The following GRIN2B variants were observed in gnomAD, a reference collection of about 807,000 sequenced individuals.
The protein encoded by GRIN2B is glutamate receptor ionotropic, NMDA 2B.
GRIN2B carries 5 observed loss-of-function variants against 114.5 expected under a neutral mutation model. The observed-to-expected ratio is 0.04, with a 90% CI of 0.02 to 0.09. The LOEUF (loss-of-function observed/expected upper bound fraction) is 0.09. Ranked by LOEUF, GRIN2B falls within the 10% of genes least tolerant of loss-of-function variation. The pLI, the probability that GRIN2B is intolerant of heterozygous loss-of-function variation, is 1.00. For synonymous variants in GRIN2B, 787 were observed against 745.1 expected (o/e 1.06, Z -0.92); for missense variants, 1,108 against 1,943.5 (o/e 0.57, Z 8.08).
chr12:13,646,183 A>G lies in GRIN2B; in HGVS notation c.1126-29526T>C, dbSNP rs1949760229. Among the ~76,000 whole-genome samples, 4 of 152,166 alleles carry G rather than the reference A, an allele frequency of 2.6e-5. 1 individual carries two copies. In the South Asian group the frequency reaches 8.3e-4, roughly 31 times the overall value. ...TCCCTGATTTACAAAAAGTAATTCA[A>G]AGACATATATGCAACATTTCTAATG... On this transcript the variant is annotated intron_variant, in intron 5 of 13. Coordinates refer to ENST00000609686, the MANE Select transcript of GRIN2B (RefSeq NM_000834.5).
At chr12:13,662,444 C>G (rs1185659511) in intron 5 of GRIN2B, among the ~76,000 whole-genome samples, 1 of 152,188 alleles carries the variant, frequency 6.6e-6, no homozygotes, top group African/African-American at 2.4e-5. Context: ...AATGATAAAT[C>G]TATCAAAAGC....
At position 13,807,709 on chromosome 12, in the gene GRIN2B, C is replaced by CTTTTTT. The variant is rs71067726; in HGVS notation, c.412-53800_412-53795dup. Among the ~76,000 whole-genome samples, 8 of 77,404 alleles carry CTTTTTT rather than the reference C, an allele frequency of 1.0e-4. 1 individual carries two copies. Among genetic ancestry groups the CTTTTTT allele is most frequent in the Non-Finnish European group, 1.6e-4 (7 of 42,524 alleles). The allele number at this position is 77,404 out of a possible 152,430, so 50.8% of individuals were successfully genotyped here. On this transcript the variant is annotated intron_variant, in intron 3 of 13. Transcript: ENST00000609686. ...AAGCAGACGTTTATTAAGCAGAAGG[C>CTTTTTT]TTTTTTTTTTTTTTTTTTTTTTTTT...
chr12:13,667,948 AT>A (rs377666715), intron 5 of GRIN2B, among the ~76,000 whole-genome samples: 424 of 152,300 alleles, frequency 2.8e-3, no homozygotes, highest in African/African-American at 1.0e-2. Context: ...TAAACATAGA[AT>A]TTTCTCATCT....
At chr12:13,714,502 A>C (rs1950439477) in intron 4 of GRIN2B, among the ~76,000 whole-genome samples, 1 of 151,842 alleles carries the variant, frequency 6.6e-6, no homozygotes, top group Non-Finnish European at 1.5e-5. Context: ...AACTTTTTAA[A>C]AAGGAGGTCA....
chr12:13,569,694 C>G (rs17822337), intron 12 of GRIN2B, 136 bp downstream of exon 12: 4 of 615,770 alleles, frequency 6.5e-6, no homozygotes, highest in African/African-American at 3.7e-5. Context: ...AATATATACC[C>G]GAAAACTACA....
rs1555098069 is a variant in GRIN2B, at chr12:13,547,982, T to TATATATATATA, written c.*14800_*14801insTATATATATAT. ...GTGTATATATATATATATATATATATTTTTTTTTTTTTTCTGAAAGCTACA... is the reference window on the plus strand; with the variant it reads ...GTGTATATATATATATATATATATATATATATATATATTTTTTTTTTTTTCTGAAAGCTACA... On this transcript the variant is annotated 3_prime_UTR_variant, in exon 14 of 14. Transcript: ENST00000609686. 2.7e-5 allele frequency: 1 copy of TATATATATATA among 37,114 alleles called. No homozygotes were observed. The highest frequency in any genetic ancestry group is 7.7e-5 in the Non-Finnish European group (1 of 12,970). 2.3% of individuals were successfully genotyped at this position (37,114 alleles called of 1,614,324 possible). A position where few individuals can be genotyped will look rare whatever the true frequency, so the allele number is the denominator to read the frequency against.
chr12:13,588,111 A>G (rs1948955985), intron 10 of GRIN2B, among the ~76,000 whole-genome samples: 2 of 152,218 alleles, frequency 1.3e-5, no homozygotes, highest in African/African-American at 4.8e-5. Flanking sequence ...AGACCAGGCC[A>G]CTGAATCCTT....
intron 2 of GRIN2B, among the ~76,000 whole-genome samples, chr12:13,943,251 T>A (rs1867294681): frequency 6.6e-6 from 1 of 152,152 alleles, no homozygotes; most frequent in African/African-American, 2.4e-5. Flanking sequence ...AAAGGAGAAG[T>A]GTACAAAATT....
Position 13,576,262 on chromosome 12 carries a change from T to C in GRIN2B, c.2011-4298A>G, listed in dbSNP as rs143343843. Among the ~76,000 whole-genome samples, 5 of 152,278 alleles carry C rather than the reference T, an allele frequency of 3.3e-5. No homozygotes were observed. In the East Asian group the frequency reaches 9.7e-4, roughly 29 times the overall value. The stretch of plus-strand genomic sequence containing the variant: ...GGAAGAAGGAAAAATAATTTCCAAA[T>C]ATCCTGATGCTTCCAGAAAATGCCC... On this transcript the variant is annotated intron_variant, in intron 10 of 13. Transcript: ENST00000609686.
rs186084057 is a variant in GRIN2B at position 13,655,497 on chromosome 12, T to A, written c.1125+20248A>T. On this transcript the variant is annotated intron_variant, in intron 5 of 13. Coordinates refer to ENST00000609686, the MANE Select transcript of GRIN2B (RefSeq NM_000834.5). ...GAAGCTACTGCAGATTAATCCCCAC[T>A]GCATCCTCAATAGAATGAGAATGGG... 2.4e-3 allele frequency among the ~76,000 whole-genome samples: 362 copies of A among 152,280 alleles called. 1 individual carries two copies. Among genetic ancestry groups the A allele is most frequent in the Middle Eastern group, 6.8e-3 (2 of 294 alleles).
intron 4 of GRIN2B, among the ~76,000 whole-genome samples, chr12:13,712,030 A>G (rs981131783): frequency 1.3e-5 from 2 of 152,158 alleles, no homozygotes; most frequent in Admixed American, 6.6e-5. Context: ...CATATATACC[A>G]TGGCATACTA....
intron 2 of GRIN2B, among the ~76,000 whole-genome samples, chr12:13,934,842 A>C (rs760298214): frequency 1.4e-5 from 2 of 144,066 alleles, no homozygotes; most frequent in Non-Finnish European, 2.9e-5. Flanking sequence ...ATGTGTGCTC[A>C]TACATCCTCA....
chr12:13,816,380 A>G (rs1864824034), intron 3 of GRIN2B, among the ~76,000 whole-genome samples: 1 of 152,158 alleles, frequency 6.6e-6, no homozygotes, highest in Non-Finnish European at 1.5e-5. Context: ...CAGAAAATCT[A>G]AGGTTCAGAC....
chr12:13,698,961 G>T (rs564989410), intron 4 of GRIN2B, among the ~76,000 whole-genome samples: 7 of 152,248 alleles, frequency 4.6e-5, no homozygotes, highest in Non-Finnish European at 8.8e-5. Flanking sequence ...GGCATTACAG[G>T]CGTGAGCCAC....
In GRIN2B at chr12:13,615,727, T is replaced by A; in HGVS notation, c.1329-63A>T. The A allele has an allele frequency of 2.8e-6, 4 of 1,412,410 alleles. No homozygotes were observed. Among genetic ancestry groups the A allele is most frequent in the Non-Finnish European group, 4.0e-6 (4 of 996,466 alleles). 87.5% of individuals were successfully genotyped at this position (1,412,410 alleles called of 1,614,324 possible). A position where few individuals can be genotyped will look rare whatever the true frequency, so the allele number is the denominator to read the frequency against. ...AGTCTTTGTACAAAAAGCCAACATT[T>A]ATTACCCTTTGCCATTAAAAAACCT... On this transcript the variant is annotated intron_variant, in intron 6 of 13. Coordinates refer to ENST00000609686, the MANE Select transcript of GRIN2B (RefSeq NM_000834.5). This position sits in a 1 kb window ranked among gnomAD's most constrained non-coding sequence, Gnocchi z 5.8.
At chr12:13,911,636 G>A (rs553656773) in intron 2 of GRIN2B, among the ~76,000 whole-genome samples, 1 of 152,094 alleles carries the variant, frequency 6.6e-6, no homozygotes, top group African/African-American at 2.4e-5. Context: ...CCTTTTCCAC[G>A]AATCATGATC....
intron 6 of GRIN2B, 58 bp downstream of exon 6, chr12:13,616,397 C>A: frequency 8.0e-7 from 1 of 1,242,510 alleles, no homozygotes; most frequent in Non-Finnish European, 1.2e-6. Flanking sequence ...CAAGTGCTAA[C>A]AGGTGCATCA....
intron 4 of GRIN2B, among the ~76,000 whole-genome samples, chr12:13,713,509 A>G (rs1425198523): frequency 1.3e-5 from 2 of 151,920 alleles, no homozygotes; most frequent in Non-Finnish European, 2.9e-5. Context: ...ATCAGTACCT[A>G]TATTCATCCC....
At chr12:13,882,461 G>A (rs565699501) in intron 2 of GRIN2B, among the ~76,000 whole-genome samples, 20 of 152,094 alleles carry the variant, frequency 1.3e-4, no homozygotes, top group African/African-American at 4.3e-4. Context: ...ATTTTTTAAA[G>A]AGGCATTGAG....
Sources: gnomAD v4.1 joint callset for allele counts (sites outside exome capture counted in the v4.1 genomes callset) on GRCh38, gnomAD v4.1.1 for gene constraint, Gnocchi (gnomAD v3.1) non-coding constraint, MANE v1.5 for transcripts, NCBI Gene and HGNC (gene_info 2026-07-23, HGNC 2026-07-21) for gene names.